The following ADGRV1 variants were observed in gnomAD, a reference collection of about 807,000 sequenced individuals.
ADGRV1 encodes the protein G-protein coupled receptor 98.
ADGRV1 carries 359 observed loss-of-function variants against 596.2 expected under a neutral mutation model. The ratio of observed to expected loss-of-function variants is 0.60; its 90% CI spans 0.55 to 0.66. ADGRV1 has a LOEUF of 0.66. Among genes scored for constraint, ADGRV1 ranks in the 30% least tolerant of loss-of-function variants. The pLI, the probability that ADGRV1 is intolerant of heterozygous loss-of-function variation, is 0.00. For missense variants in ADGRV1, 7,274 were observed against 7,575.6 expected (o/e 0.96, Z 1.48); for synonymous variants, 2,681 against 2,679.2 (o/e 1.00, Z -0.02).
intron 50 of ADGRV1, among the ~76,000 whole-genome samples, chr5:90,730,318 A>G (rs1752391711): frequency 6.6e-6 from 1 of 152,242 alleles, no homozygotes; most frequent in Non-Finnish European, 1.5e-5. Context: ...TAACTAAAAT[A>G]TGGAGGAAAA....
intron 86 of ADGRV1, among the ~76,000 whole-genome samples, chr5:91,080,332 A>G (rs530041528): frequency 1.3e-3 from 195 of 152,260 alleles, no homozygotes; most frequent in Non-Finnish European, 2.5e-3. Flanking sequence ...TAGTCAGACA[A>G]GGAAATCAAG....
intron 83 of ADGRV1, among the ~76,000 whole-genome samples, chr5:90,921,796 GTTTT>G (rs571601390): frequency 7.2e-5 from 9 of 124,410 alleles, no homozygotes; most frequent in African/African-American, 2.6e-4. Context: ...GTTGTGTCTT[GTTTT>G]TTTTTTTTTT....
At chr5:90,760,656 A>G (rs1013849353) in intron 58 of ADGRV1, among the ~76,000 whole-genome samples, 2 of 151,976 alleles carry the variant, frequency 1.3e-5, no homozygotes, top group African/African-American at 4.8e-5. Context: ...AAAAAACACC[A>G]CAGTCACCCC....
chr5:90,764,882 A>G (rs1285324167), intron 59 of ADGRV1, among the ~76,000 whole-genome samples: 1 of 152,072 alleles, frequency 6.6e-6, no homozygotes, highest in Admixed American at 6.5e-5. Context: ...CAAGCTAGCA[A>G]CCTGGTTCTC....
chr5:91,123,981 G>T lies in ADGRV1; in HGVS notation c.18432+21641G>T, dbSNP rs771931896. Reference sequence around the variant, plus strand: ...TGATAAATTCCAAGTCCAGGAGAGCGAAGGGCAGGCCAGTGGGATGCATTT... The same window carrying T: ...TGATAAATTCCAAGTCCAGGAGAGCTAAGGGCAGGCCAGTGGGATGCATTT... On this transcript the variant is annotated intron_variant, in intron 87 of 89. Transcript: ENST00000405460. Among the ~76,000 whole-genome samples, 38 of 152,184 alleles carry T rather than the reference G, an allele frequency of 2.5e-4. 1 individual carries two copies.
chr5:91,134,360 T>C (rs1381257231), intron 87 of ADGRV1, among the ~76,000 whole-genome samples: 2 of 152,070 alleles, frequency 1.3e-5, no homozygotes, highest in Non-Finnish European at 2.9e-5. Flanking sequence ...GCTAACTTTT[T>C]GTATGTTTTG....
At chr5:91,042,568 G>T (rs896780194) in intron 85 of ADGRV1, among the ~76,000 whole-genome samples, 13 of 151,946 alleles carry the variant, frequency 8.6e-5, no homozygotes, top group Non-Finnish European at 7.4e-5. Flanking sequence ...TAAGTTCTGG[G>T]ATACATGTGC....
At chr5:90,949,144 G>A (rs954213800) in intron 83 of ADGRV1, among the ~76,000 whole-genome samples, 28 of 152,058 alleles carry the variant, frequency 1.8e-4, no homozygotes, top group African/African-American at 6.8e-4. Flanking sequence ...CATACTACAT[G>A]GTTCCATTTA....
Position 90,834,271 on chromosome 5 carries a change from T to C in ADGRV1, c.16611+5085T>C, listed in dbSNP as rs1232152130. ...CATTCAGATGATTTCTTATTGCTTA[T>C]TAATATCTTTTTCTTTTAGGTTGAA... On this transcript the variant is annotated intron_variant, in intron 77 of 89. Coordinates refer to ENST00000405460, the MANE Select transcript of ADGRV1 (RefSeq NM_032119.4). 2.0e-5 allele frequency among the ~76,000 whole-genome samples: 3 copies of C among 152,194 alleles called. No homozygotes were observed. In the East Asian group the frequency reaches 5.8e-4, roughly 29 times the overall value.
At position 90,847,853 on chromosome 5, in the gene ADGRV1, C is replaced by G. The variant is rs570566423; in HGVS notation, c.17020-784C>G. Among the ~76,000 whole-genome samples the G allele has an allele frequency of 3.3e-5, 5 of 152,272 alleles. No individual in the cohort carries two copies. In the East Asian group the frequency reaches 9.7e-4, roughly 29 times the overall value. On this transcript the variant is annotated intron_variant, in intron 78 of 89. Coordinates refer to ENST00000405460, the MANE Select transcript of ADGRV1 (RefSeq NM_032119.4). ...TTCCCGCCTCTCCCTCCACACCTCC[C>G]TGCAAGCTGAGGGAGCCGGTTCCCG...
At chr5:91,160,592 C>T (rs1316759574) in intron 89 of ADGRV1, among the ~76,000 whole-genome samples, 1 of 152,148 alleles carries the variant, frequency 6.6e-6, no homozygotes, top group Non-Finnish European at 1.5e-5. Context: ...GTTCTATTGA[C>T]CAAAGGAAAG....
chr5:91,096,973 C>T (rs1428826094), intron 86 of ADGRV1, among the ~76,000 whole-genome samples: 1 of 152,180 alleles, frequency 6.6e-6, no homozygotes, highest in African/African-American at 2.4e-5. Context: ...TATTATTTGT[C>T]CTTTCATGTC....
At chr5:90,933,725 A>G (rs11750515) in intron 83 of ADGRV1, among the ~76,000 whole-genome samples, 63,602 of 151,972 alleles carry the variant, frequency 0.42, 14,890 homozygotes, top group Non-Finnish European at 0.53. Flanking sequence ...CTGCCCTCCA[A>G]TCCTTCTGTT....
intron 85 of ADGRV1, among the ~76,000 whole-genome samples, chr5:91,041,545 T>C (rs1453009857): frequency 6.6e-6 from 1 of 151,686 alleles, no homozygotes; most frequent in African/African-American, 2.4e-5. Context: ...AGATGACGGG[T>C]TGATGGGTGC....
At chr5:90,808,525 T>A (rs1364901474) in intron 73 of ADGRV1, among the ~76,000 whole-genome samples, 1 of 152,174 alleles carries the variant, frequency 6.6e-6, no homozygotes, top group Non-Finnish European at 1.5e-5. Context: ...ATGCCATTTT[T>A]AAAATGTTCA....
chr5:90,817,716 A>G (rs1357890019), intron 75 of ADGRV1, among the ~76,000 whole-genome samples: 1 of 152,124 alleles, frequency 6.6e-6, no homozygotes, highest in African/African-American at 2.4e-5. Context: ...CAAAGATCAG[A>G]TAGTTGTAGA....
At chr5:90,876,407 T>C (rs1016458695) in intron 83 of ADGRV1, among the ~76,000 whole-genome samples, 3 of 152,154 alleles carry the variant, frequency 2.0e-5, no homozygotes, top group Non-Finnish European at 4.4e-5. Flanking sequence ...AAAATATCCA[T>C]GTAGGCACTG....
At chr5:91,021,342 C>T (rs1783616861) in intron 85 of ADGRV1, among the ~76,000 whole-genome samples, 1 of 152,088 alleles carries the variant, frequency 6.6e-6, no homozygotes, top group Non-Finnish European at 1.5e-5. Flanking sequence ...AGCCTACTGT[C>T]TTTCCCTTGG....
rs756684132 is a variant in ADGRV1, at chr5:90,684,009, A to T, written c.6088A>T (p.Asn2030Tyr). The T allele has an allele frequency of 3.1e-6, 5 of 1,613,750 alleles. No homozygotes were observed. Among genetic ancestry groups the T allele is most frequent in the Non-Finnish European group, 4.2e-6 (5 of 1,179,864 alleles). ...DMEKPPYFPP[N>Y]LARATQGRDY... The stretch of plus-strand genomic sequence containing the variant: ...GGAAAAACCACCTTATTTTCCACCT[A>T]ATTTAGCGAGAGCAACTCAAGGAAG... Residue 2030 changes from asparagine to tyrosine, a missense_variant, in exon 28 of 90, where the codon AAT becomes TAT. Asn to Tyr is a moderately radical substitution (Grantham distance 143, BLOSUM62 -2). This residue lies in a region of ADGRV1 where 3,643 missense variants were observed against 3,809.2 expected (regional missense o/e 0.96). Coordinates refer to ENST00000405460, the MANE Select transcript of ADGRV1 (RefSeq NM_032119.4).
Sources: gnomAD v4.1 joint callset for allele counts (sites outside exome capture counted in the v4.1 genomes callset) on GRCh38, gnomAD v4.1.1 for gene constraint, gnomAD v4.1.1 regional missense constraint, MANE v1.5 for transcripts, NCBI Gene and HGNC (gene_info 2026-07-23, HGNC 2026-07-21) for gene names.